PC: variants seen among roughly 807,000 people sequenced by gnomAD.
PC encodes pyruvate carboxylase, mitochondrial.
A neutral mutation model predicts 107.8 loss-of-function variants in PC; 46 were observed. The ratio of observed to expected loss-of-function variants is 0.43; its 90% CI spans 0.34 to 0.55. The LOEUF (loss-of-function observed/expected upper bound fraction) is 0.55. Ranked by LOEUF, PC falls within the 20% of genes least tolerant of loss-of-function variation. The probability of loss-of-function intolerance (pLI) is 0.04; values close to 1 mark genes in which losing one functional copy is unlikely to be tolerated. For missense variants in PC, 1,241 were observed against 1,643.1 expected (o/e 0.76, Z 4.23); for synonymous variants, 662 against 684.7 (o/e 0.97, Z 0.52).
At chr11:66,878,879 C>CCACA (rs1159684625) in intron 3 of PC, among the ~76,000 whole-genome samples, 1 of 152,184 alleles carries the variant, frequency 6.6e-6, no homozygotes, top group Non-Finnish European at 1.5e-5. Flanking sequence ...CAGCGCAGGC[C>CCACA]CACAGTCCAC....
Position 66,863,870 on chromosome 11 carries a change from G to T in PC, c.1272C>A (p.Ser424=). The change falls in exon 12 of 23, where the codon TCC becomes TCA. Residue 424 remains serine (S), a synonymous_variant. Coordinates refer to ENST00000393960, the MANE Select transcript of PC (RefSeq NM_001040716.2). ...CGTGGGCAATGACTTTGACCAGCAG[G>T]GAGTCGTAGTGGGGCGAGATGACGG... ...QGAVISPHYD[S]LLVKVIAHGK... 1 of 1,614,116 alleles carries T rather than the reference G, an allele frequency of 6.2e-7. No individual in the cohort carries two copies. Among genetic ancestry groups the T allele is most frequent in the Non-Finnish European group, 8.5e-7 (1 of 1,180,032 alleles).
intron 2 of PC, among the ~76,000 whole-genome samples, chr11:66,952,699 C>T (rs1397458210): frequency 2.6e-5 from 4 of 152,178 alleles, no homozygotes; most frequent in Admixed American, 1.3e-4. Context: ...TGTGCCACCA[C>T]GCCCAGCTAA....
chr11:66,859,707 C>T, intron 12 of PC: 1 of 1,612,484 alleles, frequency 6.2e-7, no homozygotes. Flanking sequence ...TGACCTCTGC[C>T]TGCTGGCCTT....
rs1447561812 is a variant in PC, at chr11:66,849,281, C to T, written c.3237G>A (p.Glu1079=). Residue 1079 remains glutamate (E), a synonymous_variant, in exon 22 of 23, where the codon GAG becomes GAA. Coordinates refer to ENST00000393960, the MANE Select transcript of PC (RefSeq NM_001040716.2). The part of the protein sequence containing the change: ...NRAGQRQVFF[E]LNGQLRSILV... ...AGATGGACCGCAGCTGCCCATTGAG[C>T]TCAAAGAAGACCTGCCTCTGGCCGG... 1 of 1,613,620 alleles carries T rather than the reference C, an allele frequency of 6.2e-7. No homozygotes were observed.
intron 9 of PC, among the ~76,000 whole-genome samples, chr11:66,869,367 A>G (rs1258876155): frequency 1.3e-5 from 2 of 151,438 alleles, no homozygotes; most frequent in Non-Finnish European, 2.9e-5. Flanking sequence ...GTGTTTTCAG[A>G]AAGTCCCCTT....
At chr11:66,933,131 G>C (rs185201737) in intron 3 of PC, among the ~76,000 whole-genome samples, 1 of 152,096 alleles carries the variant, frequency 6.6e-6, no homozygotes, top group East Asian at 1.9e-4. Context: ...GAAGCAAGGC[G>C]AAAGCTCCAA....
intron 3 of PC, among the ~76,000 whole-genome samples, chr11:66,949,726 G>A (rs978306593): frequency 6.6e-6 from 1 of 152,106 alleles, no homozygotes; most frequent in Non-Finnish European, 1.5e-5. Context: ...TCCTAGAATC[G>A]TAAATAGATC....
chr11:66,898,259 G>A lies in PC; in HGVS notation c.1-26100C>T, dbSNP rs185925377. Among the ~76,000 whole-genome samples, 422 of 152,330 alleles carry A rather than the reference G, an allele frequency of 2.8e-3. 1 individual carries two copies. The highest frequency in any genetic ancestry group is 4.7e-3 in the Non-Finnish European group (323 of 68,016). On this transcript the variant is annotated intron_variant, in intron 3 of 22. Coordinates refer to ENST00000393960, the MANE Select transcript of PC (RefSeq NM_001040716.2). ...GAGCCAGGGCCAGCGGTCACAGCCCGGTGGGAAAGTTTCCTCATTAAATCA... is the reference window on the plus strand; with the variant it reads ...GAGCCAGGGCCAGCGGTCACAGCCCAGTGGGAAAGTTTCCTCATTAAATCA...
intron 3 of PC, among the ~76,000 whole-genome samples, chr11:66,888,930 C>T (rs558173145): frequency 2.6e-5 from 4 of 152,008 alleles, no homozygotes; most frequent in East Asian, 1.9e-4. Context: ...AAAAATTAGC[C>T]GGGCGTGGTG....
Position 66,864,065 on chromosome 11 carries a change from C to A in PC, c.1186-109G>T, listed in dbSNP as rs1045749161. On this transcript the variant is annotated intron_variant, in intron 11 of 22. Coordinates refer to ENST00000393960, the MANE Select transcript of PC (RefSeq NM_001040716.2). ...CACCCAGCAGCTGCTGAGAGCAGAG[C>A]GTGGGGTGTCTGCAGGTGAATCCCA... is the stretch of plus-strand genomic sequence containing the variant. The A allele has an allele frequency of 6.8e-5, 74 of 1,090,554 alleles. No homozygotes were observed. The Admixed American group carries it at 1.2e-3, about 17-fold the overall frequency. The allele number at this position is 1,090,554 out of a possible 1,614,324, so 67.6% of individuals were successfully genotyped here.
intron 3 of PC, among the ~76,000 whole-genome samples, chr11:66,880,815 CTGCTTTTGGG>C (rs1288590531): frequency 6.6e-6 from 1 of 152,248 alleles, no homozygotes; most frequent in East Asian, 1.9e-4. Context: ...ATGCTGCACC[CTGCTTTTGGG>C]TATTTGGTTG....
rs563125612 is a variant in PC at position 66,866,714 on chromosome 11, C to A, written c.1023-365G>T. ...TCTGTTTTCCCCACTCCCCTAAACT[C>A]CCCCTTGGTAAAGCCTAGATTTGAA... On this transcript the variant is annotated intron_variant, in intron 10 of 22. Coordinates refer to ENST00000393960, the MANE Select transcript of PC (RefSeq NM_001040716.2). This position sits in a 1 kb window ranked among gnomAD's most constrained non-coding sequence, Gnocchi z 5.4. 6.6e-5 allele frequency among the ~76,000 whole-genome samples: 10 copies of A among 152,204 alleles called. No individual in the cohort carries two copies. The highest frequency in any genetic ancestry group is 8.8e-5 in the Non-Finnish European group (6 of 68,034).
At position 66,849,139 on chromosome 11, in the gene PC, G is replaced by C. The variant is rs781571109; in HGVS notation, c.3297C>G (p.His1099Gln). 2 of 1,613,996 alleles carry C rather than the reference G, an allele frequency of 1.2e-6. No homozygotes were observed. The highest frequency in any genetic ancestry group is 1.7e-6 in the Non-Finnish European group (2 of 1,180,014). ...CGTCCTTTAGGGCCTTGGGGTGGAA[G>C]TGCATCTCCTGAAGACACAGGGCAG... ...VKDTQAMKEM[H>Q]FHPKALKDVK... is the part of the protein sequence containing the mutation. Residue 1099 changes from histidine to glutamine, a missense_variant, in exon 23 of 23, where the codon CAC becomes CAG. By Grantham distance (24) the His-to-Gln change is conservative. Coordinates refer to ENST00000393960, the MANE Select transcript of PC (RefSeq NM_001040716.2).
In PC at chr11:66,849,945, G is replaced by C. The variant is rs192822072; in HGVS notation, c.2890C>G (p.Arg964Gly). The C allele has an allele frequency of 6.2e-7, 1 of 1,613,540 alleles. No homozygotes were observed. The highest frequency in any genetic ancestry group is 1.7e-5 in the Admixed American group (1 of 60,020). ...VPHGGFPEPFRSKVLKDLPRV... is the reference protein window; with the variant it reads ...VPHGGFPEPFGSKVLKDLPRV... Reference sequence around the variant, plus strand: ...TGCTGGGCCTTCCCTACCTTAGAGCGAAAGGGTTCGGGGAACCCCCCATGG... The same window carrying C: ...TGCTGGGCCTTCCCTACCTTAGAGCCAAAGGGTTCGGGGAACCCCCCATGG... Residue 964 changes from arginine (R) to glycine (G), a missense_variant, in exon 20 of 23, where the codon CGC (arginine) becomes GGC (glycine). This residue lies in a region of PC where 1,143 missense variants were observed against 1,551.9 expected (regional missense o/e 0.74). Transcript: ENST00000393960.
chr11:66,950,499 A>G (rs986969181), intron 3 of PC, among the ~76,000 whole-genome samples: 5 of 152,182 alleles, frequency 3.3e-5, no homozygotes, highest in African/African-American at 1.2e-4. Flanking sequence ...ACTTAACAAC[A>G]CAACAAAGGG....
chr11:66,936,783 T>TC (rs1949012357), intron 3 of PC, among the ~76,000 whole-genome samples: 1 of 152,098 alleles, frequency 6.6e-6, no homozygotes, highest in African/African-American at 2.4e-5. Flanking sequence ...CACATAAGCA[T>TC]CCCTGGGTAT....
Position 66,944,300 on chromosome 11 carries a change from C to T in PC, c.-1+8130G>A, listed in dbSNP as rs1263508205. ...CGTCTCAGAAAAAACAACTTCAGGC[C>T]GGCCGCAATGGCTCACACCTGTAAT... On this transcript the variant is annotated intron_variant, in intron 3 of 22. Coordinates refer to ENST00000393960, the MANE Select transcript of PC (RefSeq NM_001040716.2). 4.6e-5 allele frequency among the ~76,000 whole-genome samples: 5 copies of T among 107,638 alleles called. 2 individuals are homozygous for T. The highest frequency in any genetic ancestry group is 1.0e-4 in the Non-Finnish European group (5 of 49,962). The allele number at this position is 107,638 out of a possible 152,430, so 70.6% of individuals were successfully genotyped here.
At chr11:66,914,275 G>A (rs1180750636) in intron 3 of PC, among the ~76,000 whole-genome samples, 2 of 152,200 alleles carry the variant, frequency 1.3e-5, no homozygotes, top group Non-Finnish European at 2.9e-5. Context: ...ACTTTGGGAG[G>A]CCGAGGTGGG....
chr11:66,891,582 G>T (rs1026844271), intron 3 of PC, among the ~76,000 whole-genome samples: 1 of 149,464 alleles, frequency 6.7e-6, no homozygotes, highest in Non-Finnish European at 1.5e-5. Context: ...TAGTAGAGAC[G>T]GGTTTCACCA....
Sources: allele counts gnomAD v4.1 joint callset (sites outside exome capture counted in the v4.1 genomes callset), GRCh38; gene constraint gnomAD v4.1.1; regional missense constraint gnomAD v4.1.1; non-coding constraint Gnocchi (gnomAD v3.1); transcripts MANE v1.5; gene names NCBI Gene and HGNC (gene_info 2026-07-23, HGNC 2026-07-21).